The following TMOD2 variants were observed in gnomAD, a reference collection of about 807,000 sequenced individuals.
TMOD2 encodes the protein tropomodulin 2, also known as tropomodulin-2.
A neutral mutation model predicts 39.9 loss-of-function variants in TMOD2; 22 were observed. The ratio of observed to expected loss-of-function variants is 0.55; its 90% CI spans 0.39 to 0.79. TMOD2 has a LOEUF of 0.79. Ranked by LOEUF, TMOD2 falls within the 30% of genes least tolerant of loss-of-function variation. The pLI is 0.00. For missense variants in TMOD2, 386 were observed against 413.3 expected (o/e 0.93, Z 0.57); for synonymous variants, 123 against 146.1 (o/e 0.84, Z 1.14).
chr15:51,790,801 A>G (rs1168202508), intron 7 of TMOD2, among the ~76,000 whole-genome samples: 2 of 152,242 alleles, frequency 1.3e-5, no homozygotes, highest in African/African-American at 2.4e-5. Context: ...ACAAAATTCA[A>G]CAGCCTTTCA....
At chr15:51,775,646 C>T (rs1001298632) in intron 4 of TMOD2, among the ~76,000 whole-genome samples, 6 of 136,264 alleles carry the variant, frequency 4.4e-5, no homozygotes, top group African/African-American at 8.4e-5. Context: ...GGCACAATCT[C>T]GGCTCACTGC....
intron 7 of TMOD2, among the ~76,000 whole-genome samples, chr15:51,785,485 C>T (rs530301391): frequency 6.7e-6 from 1 of 148,466 alleles, no homozygotes; most frequent in East Asian, 2.0e-4. Flanking sequence ...AAATATTATT[C>T]AGCCATAAAA....
intron 3 of TMOD2, among the ~76,000 whole-genome samples, chr15:51,769,143 A>C (rs745442601): frequency 1.3e-5 from 2 of 152,268 alleles, no homozygotes; most frequent in Non-Finnish European, 2.9e-5. Flanking sequence ...ATGTAGGCTA[A>C]CTGCTTATGG....
intron 1 of TMOD2, among the ~76,000 whole-genome samples, chr15:51,759,723 A>G (rs550723974): frequency 1.3e-5 from 2 of 152,346 alleles, no homozygotes; most frequent in East Asian, 3.9e-4. Context: ...AGTAATATTA[A>G]TGTATCAGCC....
At chr15:51,772,452 G>A (rs1369311496) in intron 3 of TMOD2, among the ~76,000 whole-genome samples, 1 of 152,188 alleles carries the variant, frequency 6.6e-6, no homozygotes, top group Non-Finnish European at 1.5e-5. Context: ...GAAGTTAGGA[G>A]CAGGAACTGT....
intron 1 of TMOD2, among the ~76,000 whole-genome samples, chr15:51,761,860 AT>A (rs2055783034): frequency 2.0e-5 from 3 of 152,134 alleles, no homozygotes; most frequent in South Asian, 2.1e-4. Context: ...AAAAATACAA[AT>A]TTTTGGCCGG....
chr15:51,769,688 C>G (rs2055840541), intron 3 of TMOD2, among the ~76,000 whole-genome samples: 1 of 152,160 alleles, frequency 6.6e-6, no homozygotes. Context: ...CTCAAAGATT[C>G]TAATGGAATT....
At chr15:51,761,322 C>G (rs1442066207) in intron 1 of TMOD2, among the ~76,000 whole-genome samples, 4 of 152,126 alleles carry the variant, frequency 2.6e-5, no homozygotes, top group African/African-American at 9.7e-5. Context: ...GTGGGAGAGT[C>G]TGAAGCTGGT....
Position 51,808,839 on chromosome 15 carries a change from C to G in TMOD2, c.*385C>G, listed in dbSNP as rs1258828687. The G allele has an allele frequency of 6.0e-6, 1 of 165,882 alleles. No individual in the cohort carries two copies. The highest frequency in any genetic ancestry group is 1.3e-5 in the Non-Finnish European group (1 of 76,614). 10.3% of individuals were successfully genotyped at this position (165,882 alleles called of 1,614,324 possible). ...AACTGTGATTATGATAGAGGCCTAT[C>G]TCTGTTTACATGCATAGCTTTGAGT... On this transcript the variant is annotated 3_prime_UTR_variant, in exon 10 of 10. Transcript: ENST00000249700.
intron 1 of TMOD2, among the ~76,000 whole-genome samples, chr15:51,758,196 C>T (rs2055755751): frequency 6.6e-6 from 1 of 151,988 alleles, no homozygotes; most frequent in Non-Finnish European, 1.5e-5. Flanking sequence ...TCCCCTGGTA[C>T]ATTGACACAA....
At chr15:51,796,914 G>A (rs2056054989) in intron 7 of TMOD2, among the ~76,000 whole-genome samples, 1 of 152,158 alleles carries the variant, frequency 6.6e-6, no homozygotes, top group South Asian at 2.1e-4. Context: ...CAGCCATGAC[G>A]ATGTCAATGG....
intron 8 of TMOD2, among the ~76,000 whole-genome samples, chr15:51,798,577 A>G (rs191756853): frequency 1.3e-5 from 2 of 152,272 alleles, no homozygotes; most frequent in East Asian, 1.9e-4. Context: ...CTATCCCACA[A>G]CCCTAGGCTA....
intron 1 of TMOD2, among the ~76,000 whole-genome samples, chr15:51,758,794 G>A (rs1328450951): frequency 6.6e-6 from 1 of 152,184 alleles, no homozygotes; most frequent in Non-Finnish European, 1.5e-5. Flanking sequence ...CATGAGACCA[G>A]GGGATGAGTA....
chr15:51,787,665 G>T (rs758146745), intron 7 of TMOD2, among the ~76,000 whole-genome samples: 1 of 152,192 alleles, frequency 6.6e-6, no homozygotes, highest in Non-Finnish European at 1.5e-5. Flanking sequence ...GGAGGGATCA[G>T]ACAGCAATAT....
At chr15:51,791,826 C>T (rs1395667517) in intron 7 of TMOD2, among the ~76,000 whole-genome samples, 2 of 152,204 alleles carry the variant, frequency 1.3e-5, no homozygotes, top group Non-Finnish European at 2.9e-5. Flanking sequence ...AAACTGGACC[C>T]TTTCCTTACA....
intron 5 of TMOD2, among the ~76,000 whole-genome samples, chr15:51,777,571 G>A (rs554506893): frequency 4.2e-4 from 64 of 152,224 alleles, no homozygotes; most frequent in Non-Finnish European, 7.9e-4. Flanking sequence ...TCCTATAGAC[G>A]TGTACAATTA....
intron 8 of TMOD2, among the ~76,000 whole-genome samples, 164 bp downstream of exon 8, chr15:51,798,504 G>T (rs1317397259): frequency 3.9e-5 from 6 of 152,190 alleles, no homozygotes; most frequent in African/African-American, 1.4e-4. Flanking sequence ...TGGAGGATGT[G>T]CAGAAGAGCA....
chr15:51,804,421 T>C (rs2141644245), intron 8 of TMOD2, among the ~76,000 whole-genome samples: 1 of 151,748 alleles, frequency 6.6e-6, no homozygotes, highest in African/African-American at 2.4e-5. Context: ...GATACGTGAA[T>C]GCATAGAAAA....
At chr15:51,754,287 A>G (rs1595858926) in intron 1 of TMOD2, among the ~76,000 whole-genome samples, 1 of 152,126 alleles carries the variant, frequency 6.6e-6, no homozygotes, top group East Asian at 1.9e-4. Flanking sequence ...GGTTCATTTT[A>G]TTTTGGGTTA....
Sources: gnomAD v4.1 joint callset for allele counts (sites outside exome capture counted in the v4.1 genomes callset) on GRCh38, gnomAD v4.1.1 for gene constraint, MANE v1.5 for transcripts, NCBI Gene and HGNC (gene_info 2026-07-23, HGNC 2026-07-21) for gene names.